Variants in RPL39L observed in about 807,000 individuals in gnomAD.
RPL39L encodes the protein ribosomal protein L39 like, also known as ribosomal protein eL39-like 2.
For synonymous variants in RPL39L, 16 were observed against 20.1 expected (o/e 0.80, Z 0.55); for missense variants, 48 against 58.9 (o/e 0.81, Z 0.61).
intron 1 of RPL39L, among the ~76,000 whole-genome samples, chr3:187,133,493 C>T (rs1250058221): frequency 6.6e-6 from 1 of 151,954 alleles, no homozygotes; most frequent in East Asian, 1.9e-4. Context: ...TATACATTAC[C>T]CAGTCTTGGG....
intron 2 of RPL39L, among the ~76,000 whole-genome samples, chr3:187,124,804 T>C (rs922978903): frequency 3.9e-5 from 6 of 152,254 alleles, no homozygotes; most frequent in African/African-American, 7.2e-5. Context: ...TAACTGGGGC[T>C]ATTAAATGGT....
chr3:187,127,498 G>T (rs1720419288), intron 2 of RPL39L, among the ~76,000 whole-genome samples: 2 of 152,272 alleles, frequency 1.3e-5, no homozygotes, highest in South Asian at 2.1e-4. Flanking sequence ...CTAGAACGCT[G>T]GTAATTTTCT....
intron 2 of RPL39L, among the ~76,000 whole-genome samples, chr3:187,126,743 G>A (rs1036200638): frequency 2.0e-5 from 3 of 152,168 alleles, no homozygotes; most frequent in Non-Finnish European, 2.9e-5. Flanking sequence ...TTCATGGAAA[G>A]CACTGCTAAT....
At chr3:187,124,493 C>T (rs894246137) in intron 2 of RPL39L, among the ~76,000 whole-genome samples, 11 of 152,214 alleles carry the variant, frequency 7.2e-5, no homozygotes, top group Middle Eastern at 3.4e-3. Flanking sequence ...ATTTAACTGG[C>T]GCTTCAAGAA....
chr3:187,139,060 A>AAAACAAACAAAC (rs112153457), intron 1 of RPL39L, among the ~76,000 whole-genome samples, 153 bp downstream of exon 1: 1,554 of 148,036 alleles, frequency 0.01, 29 homozygotes, highest in African/African-American at 0.039. Flanking sequence ...CCTGTCTCAA[A>AAAACAAACAAAC]AAACAAACAA....
chr3:187,133,406 C>A (rs190458582), intron 1 of RPL39L, among the ~76,000 whole-genome samples: 1 of 152,124 alleles, frequency 6.6e-6, no homozygotes, highest in Non-Finnish European at 1.5e-5. Flanking sequence ...CCATCTAAGA[C>A]GTGCTTTGCT....
In RPL39L at chr3:187,139,479, G is replaced by GCCGGATGCTAAGACCGCGATTTCC. The variant is rs1405894239; in HGVS notation, c.-360_-359insGGAAATCGCGGTCTTAGCATCCGG. 2.2e-4 allele frequency: 33 copies of GCCGGATGCTAAGACCGCGATTTCC among 152,322 alleles called. No individual in the cohort carries two copies. Among genetic ancestry groups the GCCGGATGCTAAGACCGCGATTTCC allele is most frequent in the South Asian group, 8.3e-4 (4 of 4,826 alleles). The allele number at this position is 152,322 out of a possible 1,614,324, so 9.4% of individuals were successfully genotyped here. A position where few individuals can be genotyped will look rare whatever the true frequency, so the allele number is the denominator to read the frequency against. ...GGGCGCAGCAATTCAACCGCCGCGC[G>GCCGGATGCTAAGACCGCGATTTCC]CCGGATGCTAAGACCGCGATTTCCC... On this transcript the variant is annotated 5_prime_UTR_variant, in exon 1 of 3. Transcript: ENST00000296277.
Position 187,121,206 on chromosome 3 carries a change from C to T in RPL39L, c.95G>A (p.Gly32Asp), listed in dbSNP as rs750671418. The T allele has an allele frequency of 6.2e-7, 1 of 1,613,818 alleles. No homozygotes were observed. Among genetic ancestry groups the T allele is most frequent in the South Asian group, 1.1e-5 (1 of 91,072 alleles). ...TTTGGAGTTGTACCTGATTTTACTA[C>T]CAGGTTTCATCTGAATCCACTGGGG... ...PIPQWIQMKP[G>D]SKIRYNSKRR... Residue 32 changes from glycine (G) to aspartate (D), a missense_variant, in exon 3 of 3, where the codon GGT (glycine) becomes GAT (aspartate). Physicochemically the swap from Gly to Asp is moderately conservative, Grantham distance 94 (BLOSUM62 -1). Transcript: ENST00000296277.
At chr3:187,121,519 T>C (rs1198370101) in intron 2 of RPL39L, among the ~76,000 whole-genome samples, 191 bp from the exon 3 acceptor site, 1 of 152,184 alleles carries the variant, frequency 6.6e-6, no homozygotes, top group Non-Finnish European at 1.5e-5. Flanking sequence ...CTGATGGCTG[T>C]TCTGGTGGAT....
At chr3:187,125,832 G>GC (rs35405254) in intron 2 of RPL39L, among the ~76,000 whole-genome samples, 29,342 of 152,056 alleles carry the variant, frequency 0.19, 3,271 homozygotes, top group Non-Finnish European at 0.21. Flanking sequence ...CCTAGACTGA[G>GC]CCCCTAGTGT....
At chr3:187,136,608 G>T (rs1178385241) in intron 1 of RPL39L, among the ~76,000 whole-genome samples, 2 of 151,840 alleles carry the variant, frequency 1.3e-5, no homozygotes, top group African/African-American at 4.8e-5. Flanking sequence ...GTAGGTAGTG[G>T]TATTTTCTGG....
intron 2 of RPL39L, among the ~76,000 whole-genome samples, chr3:187,126,682 A>G (rs1163235199): frequency 6.6e-6 from 1 of 152,194 alleles, no homozygotes; most frequent in Non-Finnish European, 1.5e-5. Context: ...TCAGGCCAAA[A>G]GTTAAGAGAA....
chr3:187,122,109 G>A (rs764902493), intron 2 of RPL39L, among the ~76,000 whole-genome samples: 6 of 152,174 alleles, frequency 3.9e-5, no homozygotes, highest in Non-Finnish European at 7.4e-5. Flanking sequence ...TATTTTAAAA[G>A]CCACTGGCTG....
intron 1 of RPL39L, among the ~76,000 whole-genome samples, chr3:187,134,174 G>C (rs1720533206): frequency 1.3e-5 from 2 of 152,046 alleles, no homozygotes; most frequent in South Asian, 4.1e-4. Context: ...TGAATGACCA[G>C]AGGGGAATTT....
intron 2 of RPL39L, among the ~76,000 whole-genome samples, chr3:187,124,724 T>C (rs1720369275): frequency 6.6e-6 from 1 of 152,206 alleles, no homozygotes; most frequent in African/African-American, 2.4e-5. Flanking sequence ...TTCTTCTACT[T>C]ACTGGATATA....
chr3:187,134,971 T>C (rs1720549527), intron 1 of RPL39L, among the ~76,000 whole-genome samples: 1 of 152,246 alleles, frequency 6.6e-6, no homozygotes, highest in Non-Finnish European at 1.5e-5. Flanking sequence ...CACGTAAGAG[T>C]GACCTTTGCA....
At chr3:187,134,874 G>A (rs1022921519) in intron 1 of RPL39L, among the ~76,000 whole-genome samples, 3 of 152,200 alleles carry the variant, frequency 2.0e-5, no homozygotes, top group African/African-American at 7.2e-5. Flanking sequence ...TATGCTTCCA[G>A]GGATTCCCAA....
chr3:187,124,359 T>G (rs1156654663), intron 2 of RPL39L, among the ~76,000 whole-genome samples: 1 of 152,192 alleles, frequency 6.6e-6, no homozygotes, highest in African/African-American at 2.4e-5. Context: ...GGATAGCCTA[T>G]GCAAAGGCGA....
At chr3:187,122,364 G>A (rs1720324530) in intron 2 of RPL39L, among the ~76,000 whole-genome samples, 1 of 146,602 alleles carries the variant, frequency 6.8e-6, no homozygotes, top group Non-Finnish European at 1.5e-5. Flanking sequence ...TATACAAACA[G>A]TATGGATCTG....
Sources: allele counts gnomAD v4.1 joint callset (sites outside exome capture counted in the v4.1 genomes callset), GRCh38; gene constraint gnomAD v4.1.1; transcripts MANE v1.5; gene names NCBI Gene and HGNC (gene_info 2026-07-23, HGNC 2026-07-21).